Variants in NBEA observed in about 807,000 individuals in gnomAD.
The protein encoded by NBEA is neurobeachin.
NBEA carries 44 observed loss-of-function variants against 343.4 expected under a neutral mutation model. That is an observed-to-expected ratio of 0.13 (90% CI 0.10 to 0.16). The LOEUF is 0.16. Ranked by LOEUF, NBEA falls within the 10% of genes least tolerant of loss-of-function variation. The probability of loss-of-function intolerance (pLI) is 1.00; values close to 1 mark genes in which losing one functional copy is unlikely to be tolerated. For missense variants in NBEA, 2,555 were observed against 3,631.3 expected (o/e 0.70, Z 7.62); for synonymous variants, 1,175 against 1,238.7 (o/e 0.95, Z 1.08).
chr13:35,363,834 A>G (rs571520940), intron 38 of NBEA, among the ~76,000 whole-genome samples: 5 of 151,956 alleles, frequency 3.3e-5, no homozygotes, highest in Non-Finnish European at 7.4e-5. Flanking sequence ...TAACTGTTCT[A>G]ATGAACAGAA....
chr13:35,044,384 A>G (rs907581883), intron 2 of NBEA, among the ~76,000 whole-genome samples: 35 of 152,182 alleles, frequency 2.3e-4, no homozygotes, highest in African/African-American at 8.4e-4. Context: ...TGAGGTTAGT[A>G]TCTGTAAACC....
intron 1 of NBEA, among the ~76,000 whole-genome samples, chr13:35,023,604 A>G (rs182693361): frequency 3.1e-4 from 47 of 151,474 alleles, no homozygotes; most frequent in Admixed American, 1.0e-3. Flanking sequence ...ACTAAGGTTT[A>G]GAGAGACAAA....
intron 1 of NBEA, among the ~76,000 whole-genome samples, chr13:34,981,055 A>G (rs1051926828): frequency 1.3e-5 from 2 of 152,202 alleles, no homozygotes; most frequent in African/African-American, 4.8e-5. Context: ...CTCCAAATAA[A>G]TAATATGCTA....
intron 51 of NBEA, among the ~76,000 whole-genome samples, chr13:35,646,560 A>T (rs1317690425): frequency 6.6e-6 from 1 of 152,154 alleles, no homozygotes; most frequent in African/African-American, 2.4e-5. Flanking sequence ...CCACTTTTGG[A>T]TTCACAAAAA....
intron 11 of NBEA, among the ~76,000 whole-genome samples, chr13:35,105,850 A>G (rs1468187505): frequency 6.6e-6 from 1 of 151,960 alleles, no homozygotes; most frequent in Non-Finnish European, 1.5e-5. Context: ...TTGAATATAT[A>G]CTCATACACA....
chr13:35,044,679 G>A (rs2152560470), intron 2 of NBEA, among the ~76,000 whole-genome samples: 1 of 150,388 alleles, frequency 6.6e-6, no homozygotes, highest in East Asian at 2.0e-4. Context: ...TTACATTTCT[G>A]CTAAGACAGC....
chr13:35,508,209 G>A (rs1013605092), intron 41 of NBEA, among the ~76,000 whole-genome samples: 1 of 152,106 alleles, frequency 6.6e-6, no homozygotes, highest in African/African-American at 2.4e-5. Flanking sequence ...ATGAAGGGCT[G>A]CAGATGAGAA....
At chr13:34,973,067 G>T (rs951005766) in intron 1 of NBEA, among the ~76,000 whole-genome samples, 4 of 152,188 alleles carry the variant, frequency 2.6e-5, no homozygotes, top group African/African-American at 9.6e-5. Context: ...GGTTTGCTGG[G>T]GGTCCACTGC....
chr13:35,573,852 A>G (rs764606461), intron 45 of NBEA, among the ~76,000 whole-genome samples: 17 of 152,206 alleles, frequency 1.1e-4, no homozygotes, highest in Non-Finnish European at 2.4e-4. Flanking sequence ...CTGTGTCTAA[A>G]CCACAGCATT....
At chr13:35,044,645 T>TG (rs71078075) in intron 2 of NBEA, among the ~76,000 whole-genome samples, 6 of 143,330 alleles carry the variant, frequency 4.2e-5, no homozygotes, top group East Asian at 2.0e-4. Flanking sequence ...TGTGTGTGTG[T>TG]TCTGGGAATA....
chr13:34,946,145 G>A (rs1296269100), intron 1 of NBEA, among the ~76,000 whole-genome samples: 2 of 152,132 alleles, frequency 1.3e-5, no homozygotes, highest in African/African-American at 4.8e-5. Context: ...TACAGTCAGA[G>A]TGCATTGTCA....
chr13:35,472,271 T>A, intron 40 of NBEA, 129 bp from the exon 41 acceptor site: 2 of 897,414 alleles, frequency 2.2e-6, no homozygotes, highest in Non-Finnish European at 1.6e-6. Flanking sequence ...GAAAAAAGAG[T>A]TTGCCGCATA....
At chr13:35,617,707 C>T (rs527432795) in intron 48 of NBEA, among the ~76,000 whole-genome samples, 8 of 152,282 alleles carry the variant, frequency 5.3e-5, no homozygotes, top group Non-Finnish European at 1.0e-4. Flanking sequence ...TCCTTCATAG[C>T]ACCTTTTTCA....
At chr13:35,335,740 G>C (rs544445644) in intron 36 of NBEA, among the ~76,000 whole-genome samples, 193 of 152,024 alleles carry the variant, frequency 1.3e-3, no homozygotes, top group Non-Finnish European at 2.3e-3. Flanking sequence ...TACTGCCTTA[G>C]GTAAAAGATA....
At chr13:35,667,284 G>C in intron 56 of NBEA, 90 bp from the exon 57 acceptor site, 1 of 1,042,606 alleles carries the variant, frequency 9.6e-7, no homozygotes, top group Non-Finnish European at 1.5e-6. Context: ...ACATCTGAGC[G>C]CACACCCAGC....
chr13:35,212,414 G>A (rs988524221), intron 33 of NBEA, among the ~76,000 whole-genome samples: 2 of 151,568 alleles, frequency 1.3e-5, no homozygotes, highest in South Asian at 2.1e-4. Context: ...ACTGATGATG[G>A]GCATTTGGAA....
At chr13:35,305,523 G>A (rs772032104) in intron 35 of NBEA, among the ~76,000 whole-genome samples, 16 of 152,138 alleles carry the variant, frequency 1.1e-4, no homozygotes, top group Non-Finnish European at 1.8e-4. Context: ...TCTGGCCAGT[G>A]AATATGGGCA....
intron 6 of NBEA, among the ~76,000 whole-genome samples, chr13:35,055,117 A>G (rs2063206047): frequency 6.6e-6 from 1 of 152,108 alleles, no homozygotes; most frequent in Non-Finnish European, 1.5e-5. Flanking sequence ...CAAAGTTTGT[A>G]TTTTATATTT....
chr13:35,298,172 A>AGT (rs373685774), intron 35 of NBEA, among the ~76,000 whole-genome samples: 4,183 of 138,084 alleles, frequency 0.03, 90 homozygotes, highest in African/African-American at 0.039. Context: ...ATACATAGCC[A>AGT]GTGTGTGTGT....
Sources: gnomAD v4.1 joint callset for allele counts (sites outside exome capture counted in the v4.1 genomes callset) on GRCh38, gnomAD v4.1.1 for gene constraint, MANE v1.5 for transcripts, NCBI Gene and HGNC (gene_info 2026-07-23, HGNC 2026-07-21) for gene names.